Variants in SOX6 observed in about 807,000 individuals in gnomAD.
SOX6 encodes the protein transcription factor SOX-6.
In SOX6, 11 loss-of-function variants were observed where a neutral mutation model predicts 97.8. The observed-to-expected ratio is 0.11, with a 90% confidence interval of 0.07 to 0.19. SOX6 has a LOEUF of 0.19. Among genes scored for constraint, SOX6 ranks in the 10% least tolerant of loss-of-function variants. The probability of loss-of-function intolerance (pLI) is 1.00; values close to 1 mark genes in which losing one functional copy is unlikely to be tolerated. For synonymous variants in SOX6, 360 were observed against 371.4 expected, an observed-to-expected ratio of 0.97 and a Z score of 0.35; for missense variants, 810 against 1,039.5, an observed-to-expected ratio of 0.78 and a Z score of 3.04.
intron 1 of SOX6, among the ~76,000 whole-genome samples, chr11:16,379,374 G>C (rs1323702751): frequency 1.3e-5 from 2 of 152,074 alleles, no homozygotes; most frequent in African/African-American, 4.8e-5. Context: ...GCTGAGGCAA[G>C]AGAATCGATT....
chr11:15,993,928 T>G (rs1854138391), intron 13 of SOX6, among the ~76,000 whole-genome samples: 1 of 152,012 alleles, frequency 6.6e-6, no homozygotes, highest in Admixed American at 6.6e-5. Context: ...GATATCAGAG[T>G]GAATGAGTGA....
chr11:16,197,104 G>A (rs917730072), intron 4 of SOX6, among the ~76,000 whole-genome samples: 1 of 152,066 alleles, frequency 6.6e-6, no homozygotes, highest in Admixed American at 6.5e-5. Flanking sequence ...AAAGTGGTGG[G>A]ATTACAGGCG....
chr11:16,110,092 T>G (rs2133992648), intron 7 of SOX6, among the ~76,000 whole-genome samples: 1 of 152,266 alleles, frequency 6.6e-6, no homozygotes, highest in Middle Eastern at 3.4e-3. Context: ...AAACAATATC[T>G]TCCCCCATGA....
At chr11:16,576,594 C>T (rs1847986752) in intron 4 of SOX6, among the ~76,000 whole-genome samples, 1 of 152,052 alleles carries the variant, frequency 6.6e-6, no homozygotes, top group South Asian at 2.1e-4. Flanking sequence ...TGGATTAAAA[C>T]ATTATCCTTT....
intron 13 of SOX6, among the ~76,000 whole-genome samples, chr11:16,003,623 C>T (rs1450325971): frequency 6.6e-6 from 1 of 152,070 alleles, no homozygotes; most frequent in Non-Finnish European, 1.5e-5. Flanking sequence ...CAAATGCTTA[C>T]TAATACAGTA....
chr11:16,159,240 A>G (rs1361206456), intron 6 of SOX6, among the ~76,000 whole-genome samples: 1 of 152,080 alleles, frequency 6.6e-6, no homozygotes, highest in Non-Finnish European at 1.5e-5. Flanking sequence ...CTCTTTTCCT[A>G]TCCCCTCCTC....
At chr11:16,371,377 T>C (rs1328517553) in intron 1 of SOX6, among the ~76,000 whole-genome samples, 1 of 152,118 alleles carries the variant, frequency 6.6e-6, no homozygotes, top group Non-Finnish European at 1.5e-5. Flanking sequence ...CACATATACC[T>C]CCACCCTGGG....
At chr11:16,487,603 C>A (rs1860457192) in intron 4 of SOX6, among the ~76,000 whole-genome samples, 1 of 152,144 alleles carries the variant, frequency 6.6e-6, no homozygotes, top group South Asian at 2.1e-4. Flanking sequence ...TTAACAAAAT[C>A]TTGCAAATAA....
At chr11:16,108,557 C>A (rs199504323) in intron 7 of SOX6, among the ~76,000 whole-genome samples, 1 of 141,210 alleles carries the variant, frequency 7.1e-6, no homozygotes, top group Admixed American at 7.2e-5. Flanking sequence ...AGCAAAGCAA[C>A]CAAAAGTCTG....
chr11:16,161,975 T>C (rs1850761357), intron 6 of SOX6, among the ~76,000 whole-genome samples: 1 of 152,194 alleles, frequency 6.6e-6, no homozygotes. Flanking sequence ...TTCTTCCTTG[T>C]CCTAAATTTA....
intron 2 of SOX6, among the ~76,000 whole-genome samples, chr11:16,724,146 AG>A (rs1212731835): frequency 6.6e-6 from 1 of 152,208 alleles, no homozygotes; most frequent in African/African-American, 2.4e-5. Flanking sequence ...GTCTTGAAAG[AG>A]GATAAGTCTC....
chr11:16,000,563 T>C (rs1204944333), intron 13 of SOX6, among the ~76,000 whole-genome samples: 1 of 151,672 alleles, frequency 6.6e-6, no homozygotes, highest in East Asian at 1.9e-4. Context: ...ATTTGCTGAA[T>C]GTTGAGGAAA....
intron 3 of SOX6, among the ~76,000 whole-genome samples, chr11:16,309,781 A>C (rs2134287714): frequency 6.6e-6 from 1 of 152,204 alleles, no homozygotes; most frequent in Non-Finnish European, 1.5e-5. Context: ...TACAGATCCC[A>C]AAACTGTCCC....
intron 1 of SOX6, among the ~76,000 whole-genome samples, chr11:16,428,106 C>T (rs1257158313): frequency 1.3e-5 from 2 of 152,166 alleles, no homozygotes; most frequent in Non-Finnish European, 2.9e-5. Context: ...TTACATGTGT[C>T]TTTTGGCTGC....
rs192089442 is a variant in SOX6, at chr11:16,245,910, T to A, written c.446-11239A>T. On this transcript the variant is annotated intron_variant, in intron 3 of 15. Coordinates refer to ENST00000683767, the MANE Select transcript of SOX6 (RefSeq NM_001367873.1). ...AATCTCTGCCTTTTAAAAATTAGTA[T>A]AATTAGTCCATTTAGATTTAATGTA... Among the ~76,000 whole-genome samples, 77 of 151,570 alleles carry A rather than the reference T, an allele frequency of 5.1e-4. 1 individual carries two copies. The highest frequency in any genetic ancestry group is 1.8e-3 in the African/African-American group (73 of 41,574).
chr11:16,183,966 A>G lies in SOX6; in HGVS notation c.709-12T>C. The stretch of plus-strand genomic sequence containing the variant: ...TGTTGTCTCGCAATCTATCAGAAAT[A>G]AAGTTTCATTAAGTTAAAATGAAAT... On this transcript the variant is annotated splice_polypyrimidine_tract_variant and intron_variant, in intron 5 of 15. Transcript: ENST00000683767. The G allele has an allele frequency of 6.2e-7, 1 of 1,611,250 alleles. No individual in the cohort carries two copies. Among genetic ancestry groups the G allele is most frequent in the Non-Finnish European group, 8.5e-7 (1 of 1,177,978 alleles).
At chr11:16,651,891 A>C (rs1045299583) in intron 3 of SOX6, among the ~76,000 whole-genome samples, 2 of 152,170 alleles carry the variant, frequency 1.3e-5, no homozygotes, top group African/African-American at 2.4e-5. Context: ...ACTCATCCAG[A>C]AAGCTCATAG....
chr11:16,344,059 C>T (rs1856712194), intron 1 of SOX6, among the ~76,000 whole-genome samples: 1 of 151,906 alleles, frequency 6.6e-6, no homozygotes, highest in Non-Finnish European at 1.5e-5. Flanking sequence ...AAGGAATTAA[C>T]ATTTTTTGTT....
chr11:16,391,660 T>A (rs1403666912), intron 1 of SOX6, among the ~76,000 whole-genome samples: 1 of 151,662 alleles, frequency 6.6e-6, no homozygotes, highest in African/African-American at 2.4e-5. Flanking sequence ...AATTAAACAT[T>A]CAGTAAGCAA....
Sources: gnomAD v4.1 joint callset for allele counts (sites outside exome capture counted in the v4.1 genomes callset) on GRCh38, gnomAD v4.1.1 for gene constraint, MANE v1.5 for transcripts, NCBI Gene and HGNC (gene_info 2026-07-23, HGNC 2026-07-21) for gene names.